CYLD: variants seen among roughly 807,000 people sequenced by gnomAD.
CYLD encodes the protein CYLD lysine 63 deubiquitinase, also known as ubiquitin carboxyl-terminal hydrolase CYLD.
A neutral mutation model predicts 104.5 loss-of-function variants in CYLD; 26 were observed. That is an observed-to-expected ratio of 0.25 (90% CI 0.18 to 0.35). The LOEUF (loss-of-function observed/expected upper bound fraction) is 0.35, where lower values mean the gene tolerates loss of function less well. CYLD is among the 10% of genes least tolerant of loss of function. The pLI is 1.00. For synonymous variants in CYLD, 385 were observed against 399.9 expected, an observed-to-expected ratio of 0.96 and a Z score of 0.45; for missense variants, 703 against 1,136.1, an observed-to-expected ratio of 0.62 and a Z score of 5.48.
Position 50,799,725 on chromosome 16 carries a change from A to G in CYLD, c.*3217A>G, listed in dbSNP as rs1972326048. 1 of 233,312 alleles carries G rather than the reference A, an allele frequency of 4.3e-6. No homozygotes were observed. Among genetic ancestry groups the G allele is most frequent in the Non-Finnish European group, 8.5e-6 (1 of 117,960 alleles). 14.5% of individuals were successfully genotyped at this position (233,312 alleles called of 1,614,324 possible). A position where few individuals can be genotyped will look rare whatever the true frequency, so the allele number is the denominator to read the frequency against. ...GTCACCCAAATTCCTGCTTGTTTGA[A>G]CATGGCATCTTCATAGATTCAGGAT... On this transcript the variant is annotated 3_prime_UTR_variant, in exon 19 of 19. Coordinates refer to ENST00000427738, the MANE Select transcript of CYLD (RefSeq NM_001378743.1).
chr16:50,795,939 TC>T (rs1466947216), intron 18 of CYLD, among the ~76,000 whole-genome samples: 1 of 151,976 alleles, frequency 6.6e-6, no homozygotes, highest in Non-Finnish European at 1.5e-5. Flanking sequence ...TTTGACTAGA[TC>T]TATTCCAAAT....
rs188361261 is a variant in CYLD at position 50,760,909 on chromosome 16, A to G, written c.913+6485A>G. Among the ~76,000 whole-genome samples the G allele has an allele frequency of 1.1e-3, 168 of 152,342 alleles. 4 individuals carry two copies. In the East Asian group the frequency reaches 0.03, roughly 27 times the overall value. On this transcript the variant is annotated intron_variant, in intron 5 of 18. Transcript: ENST00000427738. ...AGATATAACAATTTATATTCCTGCC[A>G]GTAGAATACAAGGGGGAACTTATAG... is the stretch of plus-strand genomic sequence containing the variant.
intron 8 of CYLD, 149 bp from the exon 9 acceptor site, chr16:50,779,516 G>A (rs1970006778): frequency 2.9e-6 from 2 of 697,044 alleles, no homozygotes; most frequent in Non-Finnish European, 4.9e-6. Context: ...CACTGTTGGA[G>A]ATAATAACTT....
chr16:50,763,073 T>A (rs1968130945), intron 5 of CYLD, among the ~76,000 whole-genome samples: 1 of 152,248 alleles, frequency 6.6e-6, no homozygotes, highest in Non-Finnish European at 1.5e-5. Context: ...TACTTCTGTC[T>A]CTGCATATTT....
Position 50,777,925 on chromosome 16 carries a change from A to G in CYLD, c.1122A>G (p.Thr374=), listed in dbSNP as rs1313377346. 1.9e-6 allele frequency: 3 copies of G among 1,548,906 alleles called. No individual in the cohort carries two copies. The highest frequency in any genetic ancestry group is 1.4e-5 in the African/African-American group (1 of 73,602). The change falls in exon 8 of 19, where the codon ACA becomes ACG. Residue 374 remains threonine (T), a synonymous_variant. Coordinates refer to ENST00000427738, the MANE Select transcript of CYLD (RefSeq NM_001378743.1). Reference sequence around the variant, plus strand: ...AACCACAATCCAAATCAAAAAATACATGGTACATTGATGAAGGTAATCAGT... The same window carrying G: ...AACCACAATCCAAATCAAAAAATACGTGGTACATTGATGAAGGTAATCAGT... The part of the protein sequence containing the change: ...DSQPQSKSKN[T]WYIDEVAEDP...
At chr16:50,766,706 C>T (rs562214359) in intron 5 of CYLD, among the ~76,000 whole-genome samples, 15 of 152,114 alleles carry the variant, frequency 9.9e-5, no homozygotes, top group Non-Finnish European at 2.1e-4. Flanking sequence ...TTGATTCCAA[C>T]CCTCATGGAT....
At chr16:50,756,188 T>C (rs1037081279) in intron 5 of CYLD, among the ~76,000 whole-genome samples, 1 of 152,152 alleles carries the variant, frequency 6.6e-6, no homozygotes, top group Admixed American at 6.5e-5. Flanking sequence ...AGTATAAGGG[T>C]GGCATTAATA....
chr16:50,791,963 A>G (rs1971474249), intron 15 of CYLD, among the ~76,000 whole-genome samples: 1 of 152,206 alleles, frequency 6.6e-6, no homozygotes, highest in Non-Finnish European at 1.5e-5. Flanking sequence ...TTAAAGCAAA[A>G]GGAGACTTAC....
chr16:50,742,548 CCCCCA>C (rs1198905976), intron 1 of CYLD: 1 of 188,420 alleles, frequency 5.3e-6, no homozygotes, highest in Non-Finnish European at 1.1e-5. Flanking sequence ...CCCCTCCCGC[CCCCCA>C]CCCCATTTAC....
intron 9 of CYLD, among the ~76,000 whole-genome samples, chr16:50,780,345 T>C (rs910014931): frequency 2.6e-5 from 4 of 152,312 alleles, no homozygotes; most frequent in African/African-American, 7.2e-5. Flanking sequence ...AGCTTTTCTC[T>C]TTCTTCTTCA....
At chr16:50,795,794 C>G in intron 18 of CYLD, 1 of 563,064 alleles carries the variant, frequency 1.8e-6, no homozygotes, top group East Asian at 2.9e-5. Flanking sequence ...CTGAGGTAAC[C>G]CAGAGGAGCC....
At chr16:50,767,541 T>G (rs1968653919) in intron 5 of CYLD, among the ~76,000 whole-genome samples, 1 of 152,016 alleles carries the variant, frequency 6.6e-6, no homozygotes. Context: ...CATTTTAGAT[T>G]GAAAGTAACC....
At chr16:50,793,758 A>G in intron 17 of CYLD, 94 bp downstream of exon 17, 1 of 881,664 alleles carries the variant, frequency 1.1e-6, no homozygotes, top group Non-Finnish European at 1.9e-6. Flanking sequence ...GTTTTTTAAA[A>G]TCATAATTAA....
At chr16:50,767,137 A>G (rs938158221) in intron 5 of CYLD, among the ~76,000 whole-genome samples, 12 of 152,208 alleles carry the variant, frequency 7.9e-5, no homozygotes, top group African/African-American at 2.7e-4. Flanking sequence ...ACTTTCAGCA[A>G]CCATCACCGT....
rs1291968636 is a variant in CYLD at position 50,797,614 on chromosome 16, G to C, written c.*1106G>C. On this transcript the variant is annotated 3_prime_UTR_variant, in exon 19 of 19. Transcript: ENST00000427738. ...AGTGTGTGTTTAGACCACAGCGGAT[G>C]TTGTAGACCAGGACCATAGATGATA... 1 of 232,822 alleles carries C rather than the reference G, an allele frequency of 4.3e-6. No individual in the cohort carries two copies. Among genetic ancestry groups the C allele is most frequent in the Non-Finnish European group, 8.5e-6 (1 of 117,802 alleles). The allele number at this position is 232,822 out of a possible 1,614,324, so 14.4% of individuals were successfully genotyped here.
chr16:50,757,377 A>G (rs1057422847), intron 5 of CYLD, among the ~76,000 whole-genome samples: 5 of 152,194 alleles, frequency 3.3e-5, no homozygotes, highest in African/African-American at 1.2e-4. Flanking sequence ...AGTGTGACAT[A>G]CTTTGCTTTA....
At chr16:50,761,332 G>A (rs1238675777) in intron 5 of CYLD, among the ~76,000 whole-genome samples, 1 of 152,058 alleles carries the variant, frequency 6.6e-6, no homozygotes, top group African/African-American at 2.4e-5. Context: ...CAATTTTTAA[G>A]TGTATAATTC....
At chr16:50,795,390 T>C (rs1295887837) in intron 18 of CYLD, among the ~76,000 whole-genome samples, 1 of 152,218 alleles carries the variant, frequency 6.6e-6, no homozygotes, top group Non-Finnish European at 1.5e-5. Context: ...TAATGCTTAA[T>C]GAATGCCAGG....
intron 16 of CYLD, 136 bp downstream of exon 16, chr16:50,792,841 T>C: frequency 1.7e-6 from 1 of 584,718 alleles, no homozygotes; most frequent in African/African-American, 1.9e-5. Flanking sequence ...CCTGGAAATA[T>C]GAAACCAGTC....
Sources: gnomAD v4.1 joint callset for allele counts (sites outside exome capture counted in the v4.1 genomes callset) on GRCh38, gnomAD v4.1.1 for gene constraint, MANE v1.5 for transcripts, NCBI Gene and HGNC (gene_info 2026-07-23, HGNC 2026-07-21) for gene names.